HELLS: variants seen among roughly 807,000 people sequenced by gnomAD.
The protein encoded by HELLS is helicase, lymphoid specific.
In HELLS, 32 loss-of-function variants were observed where a neutral mutation model predicts 120.0. That is an observed-to-expected ratio of 0.27 (90% CI 0.20 to 0.36). The LOEUF (loss-of-function observed/expected upper bound fraction) is 0.36. Among genes scored for constraint, HELLS ranks in the 10% least tolerant of loss-of-function variants. The probability of loss-of-function intolerance (pLI) is 1.00; values close to 1 mark genes in which losing one functional copy is unlikely to be tolerated. For synonymous variants in HELLS, 341 were observed against 323.4 expected (o/e 1.05, Z -0.58); for missense variants, 650 against 993.4 (o/e 0.65, Z 4.65).
At chr10:94,609,795 T>A (rs1162995377) in intron 9 of HELLS, 1 of 152,232 alleles carries the variant, frequency 6.6e-6, no homozygotes, top group Non-Finnish European at 1.5e-5. Context: ...TGCTTTTTCC[T>A]GTTCCTATTG....
At chr10:94,587,530 C>A (rs1256000312) in intron 12 of HELLS, among the ~76,000 whole-genome samples, 1 of 152,092 alleles carries the variant, frequency 6.6e-6, no homozygotes. Context: ...CAGGTTCAAA[C>A]AATTCTCCTG....
At chr10:94,559,886 G>C (rs1843465887) in intron 4 of HELLS, among the ~76,000 whole-genome samples, 1 of 152,056 alleles carries the variant, frequency 6.6e-6, no homozygotes, top group African/African-American at 2.4e-5. Context: ...TTTTCCTAGG[G>C]GCAATAAGTC....
intron 2 of HELLS, among the ~76,000 whole-genome samples, chr10:94,553,552 A>AT (rs397844496): frequency 0.06 from 7,311 of 122,248 alleles, 733 homozygotes; most frequent in African/African-American, 0.21. Context: ...CCTGGCCCCA[A>AT]TTTTTTTTTT....
intron 13 of HELLS, among the ~76,000 whole-genome samples, chr10:94,589,607 C>T (rs1473602780): frequency 2.7e-5 from 4 of 150,888 alleles, no homozygotes; most frequent in Admixed American, 6.6e-5. Context: ...TATAAACCTA[C>T]GTATTTTCTT....
intron 1 of HELLS, 86 bp from the exon 2 acceptor site, chr10:94,546,291 G>C: frequency 1.3e-6 from 2 of 1,535,474 alleles, no homozygotes; most frequent in African/African-American, 1.4e-5. Context: ...AGTGCATCTC[G>C]GGTGGGAGAA....
chr10:94,593,971 A>ATTT (rs904284453), intron 18 of HELLS, among the ~76,000 whole-genome samples: 176 of 122,288 alleles, frequency 1.4e-3, no homozygotes, highest in Non-Finnish European at 2.5e-3. Flanking sequence ...TCCATTCTGA[A>ATTT]TTTTTTTTTT....
intron 4 of HELLS, among the ~76,000 whole-genome samples, chr10:94,562,115 A>G (rs1265386982): frequency 1.3e-5 from 2 of 150,140 alleles, no homozygotes; most frequent in Admixed American, 1.3e-4. Flanking sequence ...AAAAATGCCA[A>G]CTATGGGCTG....
In HELLS at chr10:94,562,698, A is replaced by T. The variant is rs200659324; in HGVS notation, c.341A>T (p.Asn114Ile). Reference protein sequence around the residue: ...KESLKVKKGKNSIDASEEKPV... With the variant: ...KESLKVKKGKISIDASEEKPV... ...TGAATCCTTGTTTTGTAGGGTAAAA[A>T]TTCAATTGATGCAAGTGAAGAGAAG... The change falls in exon 5 of 22, where the codon AAT (asparagine) becomes ATT (isoleucine). Residue 114 changes from asparagine (N) to isoleucine (I), a missense_variant. Asn to Ile is a moderately radical substitution (Grantham distance 149). Coordinates refer to ENST00000348459, the MANE Select transcript of HELLS (RefSeq NM_018063.5). The T allele has an allele frequency of 1.1e-5, 18 of 1,586,630 alleles. No individual in the cohort carries two copies. In the East Asian group the frequency reaches 3.8e-4, roughly 34 times the overall value.
At position 94,586,214 on chromosome 10, in the gene HELLS, G is replaced by A. The variant is rs928714661; in HGVS notation, c.1327-2015G>A. On this transcript the variant is annotated intron_variant, in intron 12 of 21. Transcript: ENST00000348459. Reference sequence around the variant, plus strand: ...CGGCTCACTGCAAGCTGCACCTCCCGGGTTCACGCTATTCTCCTGCCTCAG... The same window carrying A: ...CGGCTCACTGCAAGCTGCACCTCCCAGGTTCACGCTATTCTCCTGCCTCAG... Among the ~76,000 whole-genome samples the A allele has an allele frequency of 3.3e-5, 5 of 151,950 alleles. No individual in the cohort carries two copies. The East Asian group carries it at 9.7e-4, about 29-fold the overall frequency.
chr10:94,586,691 G>T (rs75573858), intron 12 of HELLS, among the ~76,000 whole-genome samples: 10,087 of 151,926 alleles, frequency 0.066, 527 homozygotes, highest in African/African-American at 0.13. Context: ...ATTATTATTA[G>T]TAGTAGTAGT....
intron 10 of HELLS, among the ~76,000 whole-genome samples, 185 bp from the exon 11 acceptor site, chr10:94,581,141 C>CT (rs1396861031): frequency 6.6e-6 from 1 of 152,152 alleles, no homozygotes; most frequent in African/African-American, 2.4e-5. Context: ...ACAGAAATAT[C>CT]TATCAGTTTT....
At chr10:94,581,851 G>A (rs1353564183) in intron 11 of HELLS, among the ~76,000 whole-genome samples, 1 of 152,128 alleles carries the variant, frequency 6.6e-6, no homozygotes, top group Non-Finnish European at 1.5e-5. Context: ...GGACAATAGA[G>A]TTGTTAAATT....
At chr10:94,564,814 TG>T (rs1005713563) in intron 6 of HELLS, among the ~76,000 whole-genome samples, 3 of 152,078 alleles carry the variant, frequency 2.0e-5, no homozygotes, top group African/African-American at 7.2e-5. Flanking sequence ...AGGATGGTCT[TG>T]AACTACTGAC....
chr10:94,562,739 T>C lies in HELLS; in HGVS notation c.370+12T>C, dbSNP rs769341145. 12 of 1,580,736 alleles carry C rather than the reference T, an allele frequency of 7.6e-6. No individual in the cohort carries two copies. In the Middle Eastern group the frequency reaches 5.0e-4, roughly 66 times the overall value. ...TGAAGAGAAGCCAGGTAAATATCCT[T>C]ATTCTAGTTTTGAAGAATATGCGTT... On this transcript the variant is annotated intron_variant, in intron 5 of 21. Transcript: ENST00000348459.
intron 17 of HELLS, among the ~76,000 whole-genome samples, chr10:94,593,073 A>G (rs1452868825): frequency 3.3e-5 from 5 of 152,204 alleles, no homozygotes; most frequent in Admixed American, 6.5e-5. Flanking sequence ...CAAATAATGT[A>G]TACATTTGCT....
downstream of HELLS, among the ~76,000 whole-genome samples, chr10:94,605,080 C>A (rs746573217): frequency 5.4e-5 from 7 of 130,306 alleles, no homozygotes; most frequent in African/African-American, 1.5e-4. Context: ...TCTCCCCCCC[C>A]CCCCCTTTTT....
chr10:94,551,535 C>T (rs1275529048), intron 2 of HELLS, among the ~76,000 whole-genome samples: 1 of 151,434 alleles, frequency 6.6e-6, no homozygotes, highest in East Asian at 2.0e-4. Context: ...CCACTGCACT[C>T]CAGCCTGGGC....
At chr10:94,554,567 G>A (rs1843149285) in intron 3 of HELLS, among the ~76,000 whole-genome samples, 1 of 151,146 alleles carries the variant, frequency 6.6e-6, no homozygotes, top group Non-Finnish European at 1.5e-5. Flanking sequence ...TATTGTGCTA[G>A]TGAGTAAATA....
intron 3 of HELLS, among the ~76,000 whole-genome samples, chr10:94,555,096 T>C (rs1843184984): frequency 6.6e-6 from 1 of 152,030 alleles, no homozygotes; most frequent in Non-Finnish European, 1.5e-5. Context: ...TGAACTGTGA[T>C]GGCACCACTG....
Sources: allele counts gnomAD v4.1 joint callset (sites outside exome capture counted in the v4.1 genomes callset), GRCh38; gene constraint gnomAD v4.1.1; transcripts MANE v1.5; gene names NCBI Gene and HGNC (gene_info 2026-07-23, HGNC 2026-07-21).